The following NTSR1 variants were observed in gnomAD, a reference collection of about 807,000 sequenced individuals.
The protein encoded by NTSR1 is neurotensin receptor 1.
NTSR1 carries 29 observed loss-of-function variants against 31.2 expected under a neutral mutation model. The observed-to-expected ratio is 0.93, with a 90% CI of 0.69 to 1.27. The LOEUF is 1.27. NTSR1 is among the 50% of genes most tolerant of loss of function. NTSR1 has a pLI of 0.00. For synonymous variants in NTSR1, 282 were observed against 269.9 expected, an observed-to-expected ratio of 1.04 and a Z score of -0.44; for missense variants, 697 against 595.4, an observed-to-expected ratio of 1.17 and a Z score of -1.78.
intron 1 of NTSR1, among the ~76,000 whole-genome samples, chr20:62,734,907 T>C (rs1255465497): frequency 6.6e-6 from 1 of 152,258 alleles, no homozygotes; most frequent in Non-Finnish European, 1.5e-5. Context: ...GCATCCTATT[T>C]CCACGGGACT....
At position 62,732,689 on chromosome 20, in the gene NTSR1, C is replaced by T. The variant is rs1426229585; in HGVS notation, c.715-21996C>T. On this transcript the variant is annotated intron_variant, in intron 1 of 3. Transcript: ENST00000370501. The surrounding 1 kb of genome is among the most constrained non-coding windows in gnomAD (Gnocchi z 4.0). ...GCGTTTTCCTTTCTTGTAACATCCT[C>T]GGTTTTGTTATTGGGGTAATGCCGG... 2 of 152,164 alleles carry T rather than the reference C, an allele frequency of 1.3e-5. No individual in the cohort carries two copies. Among genetic ancestry groups the T allele is most frequent in the African/African-American group, 4.8e-5 (2 of 41,414 alleles). 9.4% of individuals were successfully genotyped at this position (152,164 alleles called of 1,614,324 possible).
chr20:62,729,126 T>C (rs1162325514), intron 1 of NTSR1, among the ~76,000 whole-genome samples: 1 of 152,222 alleles, frequency 6.6e-6, no homozygotes, highest in East Asian at 1.9e-4. Flanking sequence ...ACTCACGGCA[T>C]GTCCCAAATG....
intron 1 of NTSR1, among the ~76,000 whole-genome samples, chr20:62,736,317 A>G (rs1179147570): frequency 1.3e-5 from 2 of 152,216 alleles, no homozygotes; most frequent in Non-Finnish European, 2.9e-5. Context: ...CCCCAGAGGC[A>G]GAGCCCCACT....
chr20:62,722,229 C>T (rs1380501885), intron 1 of NTSR1, among the ~76,000 whole-genome samples: 1 of 152,118 alleles, frequency 6.6e-6, no homozygotes, highest in African/African-American at 2.4e-5. Context: ...CTACGGAAAG[C>T]CCAAGGCATT....
intron 1 of NTSR1, among the ~76,000 whole-genome samples, chr20:62,750,613 C>T (rs1002691501): frequency 2.0e-5 from 3 of 151,212 alleles, no homozygotes; most frequent in Admixed American, 2.0e-4. Flanking sequence ...ATGGCGTGAA[C>T]CCGGGAGGCG....
At chr20:62,728,215 C>G (rs1988942559) in intron 1 of NTSR1, among the ~76,000 whole-genome samples, 1 of 152,196 alleles carries the variant, frequency 6.6e-6, no homozygotes, top group African/African-American at 2.4e-5. Flanking sequence ...CCCCGAGTCT[C>G]CCAGCATCCG....
chr20:62,737,779 T>C lies in NTSR1; in HGVS notation c.715-16906T>C, dbSNP rs1314073059. On this transcript the variant is annotated intron_variant, in intron 1 of 3. Coordinates refer to ENST00000370501, the MANE Select transcript of NTSR1 (RefSeq NM_002531.3). ...TGCAGTTGTGGCTGCAGCGGCCTCC[T>C]GCTTTACCTCCTGCTGCTGCTTCCC... 3.3e-5 allele frequency among the ~76,000 whole-genome samples: 5 copies of C among 151,974 alleles called. No individual in the cohort carries two copies. The South Asian group carries it at 8.3e-4, about 25-fold the overall frequency.
intron 1 of NTSR1, among the ~76,000 whole-genome samples, chr20:62,734,114 G>T (rs1457825680): frequency 6.6e-6 from 1 of 152,134 alleles, no homozygotes; most frequent in Non-Finnish European, 1.5e-5. Flanking sequence ...TCTCATCCTG[G>T]AAGCGACCGC....
chr20:62,736,207 T>A (rs538007927), intron 1 of NTSR1, among the ~76,000 whole-genome samples: 2 of 152,320 alleles, frequency 1.3e-5, no homozygotes, highest in Admixed American at 6.5e-5. Flanking sequence ...CTGGGGATTC[T>A]CTGCACTTGC....
intron 1 of NTSR1, among the ~76,000 whole-genome samples, chr20:62,749,412 A>T (rs1406065389): frequency 6.6e-6 from 1 of 152,218 alleles, no homozygotes; most frequent in Non-Finnish European, 1.5e-5. Context: ...CTAAACATAA[A>T]ACCTGAAACT....
intron 1 of NTSR1, among the ~76,000 whole-genome samples, chr20:62,726,419 G>A (rs969645004): frequency 5.9e-5 from 9 of 152,170 alleles, no homozygotes; most frequent in African/African-American, 2.2e-4. Context: ...GCCCAGGAGT[G>A]TGGGCTGCTT....
In NTSR1 at chr20:62,760,108, C is replaced by T. The variant is rs762422861; in HGVS notation, c.1098C>T (p.Leu366=). ...SSTINPILYN[L]VSANFRHIFL... ...CCATCAACCCCATCCTGTACAACCTCGTCTCTGCCAACTTCCGCCACATCT... is the reference window on the plus strand; with the variant it reads ...CCATCAACCCCATCCTGTACAACCTTGTCTCTGCCAACTTCCGCCACATCT... Residue 366 remains leucine (L), a synonymous_variant, in exon 4 of 4, where the codon CTC becomes CTT. Transcript: ENST00000370501. 9 of 1,614,086 alleles carry T rather than the reference C, an allele frequency of 5.6e-6. No homozygotes were observed. The highest frequency in any genetic ancestry group is 5.5e-5 in the South Asian group (5 of 91,092).
In NTSR1 at chr20:62,741,770, G is replaced by A. The variant is rs117647014; in HGVS notation, c.715-12915G>A. ...TTGGACTAGATGCTCTCAAAACCTG[G>A]CAATGGCCCACAGAAGGCATCTGCT... On this transcript the variant is annotated intron_variant, in intron 1 of 3. Transcript: ENST00000370501. This position sits in a 1 kb window ranked among gnomAD's most constrained non-coding sequence, Gnocchi z 4.3. Among the ~76,000 whole-genome samples the A allele has an allele frequency of 0.022, 3,320 of 149,816 alleles. 100 individuals are homozygous for A. Among genetic ancestry groups the A allele is most frequent in the Non-Finnish European group, 0.03 (2,055 of 68,016 alleles).
In NTSR1 at chr20:62,737,421, G is replaced by A. The variant is rs1204529699; in HGVS notation, c.715-17264G>A. Among the ~76,000 whole-genome samples, 3 of 152,302 alleles carry A rather than the reference G, an allele frequency of 2.0e-5. No homozygotes were observed. The East Asian group carries it at 5.8e-4, about 29-fold the overall frequency. Reference sequence around the variant, plus strand: ...CCAGAGGTGAAATGGCTCCCTCCGTGCAGTCGGAGAGCCCCTTGACTCACG... The same window carrying A: ...CCAGAGGTGAAATGGCTCCCTCCGTACAGTCGGAGAGCCCCTTGACTCACG... On this transcript the variant is annotated intron_variant, in intron 1 of 3. Transcript: ENST00000370501.
chr20:62,749,973 C>T (rs145253878), intron 1 of NTSR1, among the ~76,000 whole-genome samples: 1,725 of 152,240 alleles, frequency 0.011, 36 homozygotes, highest in African/African-American at 0.039. Flanking sequence ...AAGCGGAATC[C>T]GGATCTTGAA....
chr20:62,731,375 C>T (rs1293680139), intron 1 of NTSR1, among the ~76,000 whole-genome samples: 13 of 152,178 alleles, frequency 8.5e-5, no homozygotes, highest in South Asian at 2.1e-4. Context: ...TGAGCCACCA[C>T]GCCCAGCCGT....
chr20:62,721,215 A>G (rs1988822991), intron 1 of NTSR1, among the ~76,000 whole-genome samples: 1 of 152,144 alleles, frequency 6.6e-6, no homozygotes, highest in Non-Finnish European at 1.5e-5. Flanking sequence ...TCTTTTAAGA[A>G]CTTTCATTTT....
chr20:62,757,725 A>G (rs1209847009), intron 2 of NTSR1, among the ~76,000 whole-genome samples: 2 of 152,144 alleles, frequency 1.3e-5, no homozygotes, highest in Admixed American at 1.3e-4. Flanking sequence ...TCCTTCTCTG[A>G]GGCCATATCT....
In NTSR1 at chr20:62,743,953, G is replaced by C. The variant is rs756423545; in HGVS notation, c.715-10732G>C. 2.0e-5 allele frequency among the ~76,000 whole-genome samples: 3 copies of C among 152,130 alleles called. No homozygotes were observed. Among genetic ancestry groups the C allele is most frequent in the Admixed American group, 2.0e-4 (3 of 15,276 alleles). ...CTCCCGCTCCCCACCTGGTCTCCAC[G>C]GCCAAGCTCAGACCAACCACCCAGA... On this transcript the variant is annotated intron_variant, in intron 1 of 3. Transcript: ENST00000370501. This position sits in a 1 kb window ranked among gnomAD's most constrained non-coding sequence, Gnocchi z 7.5.
Sources: gnomAD v4.1 joint callset for allele counts (sites outside exome capture counted in the v4.1 genomes callset) on GRCh38, gnomAD v4.1.1 for gene constraint, Gnocchi (gnomAD v3.1) non-coding constraint, MANE v1.5 for transcripts, NCBI Gene and HGNC (gene_info 2026-07-23, HGNC 2026-07-21) for gene names.